PACRG: variants seen among roughly 807,000 people sequenced by gnomAD.
The protein encoded by PACRG is parkin coregulated gene protein.
PACRG carries 29 observed loss-of-function variants against 29.7 expected under a neutral mutation model. The ratio of observed to expected loss-of-function variants is 0.98; its 90% confidence interval spans 0.73 to 1.33. PACRG has a LOEUF of 1.33. PACRG is among the 40% of genes most tolerant of loss of function. The probability of loss-of-function intolerance (pLI) is 0.00; values close to 1 mark genes in which losing one functional copy is unlikely to be tolerated. For synonymous variants in PACRG, 116 were observed against 118.7 expected (o/e 0.98, Z 0.15); for missense variants, 279 against 316.2 (o/e 0.88, Z 0.89).
intron 2 of PACRG, among the ~76,000 whole-genome samples, chr6:163,048,567 G>A (rs1390191840): frequency 1.3e-5 from 2 of 152,074 alleles, no homozygotes; most frequent in East Asian, 1.9e-4. Context: ...TGTGGTTTTC[G>A]TATTAAGGTT....
chr6:163,178,333 T>C (rs551174448), intron 4 of PACRG, among the ~76,000 whole-genome samples: 1 of 152,314 alleles, frequency 6.6e-6, no homozygotes, highest in East Asian at 1.9e-4. Context: ...GCTGATCTTA[T>C]GGTCAGAGGG....
chr6:162,994,485 A>G (rs1803771131), intron 2 of PACRG, among the ~76,000 whole-genome samples: 2 of 150,642 alleles, frequency 1.3e-5, no homozygotes, highest in South Asian at 2.1e-4. Context: ...GCTTCATTTC[A>G]TTCATTTCAT....
intron 2 of PACRG, among the ~76,000 whole-genome samples, chr6:163,017,552 G>A (rs765393234): frequency 3.3e-5 from 5 of 152,124 alleles, no homozygotes; most frequent in Non-Finnish European, 7.4e-5. Flanking sequence ...CTTGTCTCTT[G>A]TAAGGCATAC....
At chr6:163,216,736 G>A (rs1781378847) in intron 4 of PACRG, among the ~76,000 whole-genome samples, 1 of 152,134 alleles carries the variant, frequency 6.6e-6, no homozygotes, top group Admixed American at 6.5e-5. Context: ...GTGAGATGCT[G>A]TCGTATTTGG....
chr6:162,766,955 C>T (rs111271460), intron 1 of PACRG, among the ~76,000 whole-genome samples: 19 of 151,820 alleles, frequency 1.3e-4, no homozygotes, highest in South Asian at 4.2e-4. Context: ...TTTGCATTTT[C>T]GTTTATTCTT....
chr6:163,296,294 A>G (rs1337521633), intron 4 of PACRG, among the ~76,000 whole-genome samples: 1 of 151,964 alleles, frequency 6.6e-6, no homozygotes, highest in Non-Finnish European at 1.5e-5. Context: ...CTTCACCTTC[A>G]GGCATTTTTT....
At chr6:162,760,320 C>T (rs1211371258) in intron 1 of PACRG, among the ~76,000 whole-genome samples, 1 of 152,218 alleles carries the variant, frequency 6.6e-6, no homozygotes, top group Non-Finnish European at 1.5e-5. Context: ...CATCACATCA[C>T]ATGTGGACTA....
intron 2 of PACRG, among the ~76,000 whole-genome samples, chr6:162,877,550 G>A (rs892810178): frequency 6.6e-6 from 1 of 150,568 alleles, no homozygotes; most frequent in Non-Finnish European, 1.5e-5. Flanking sequence ...AAACCTGCAC[G>A]TTCTGCACAT....
At chr6:163,303,877 A>G (rs1052549908) in intron 4 of PACRG, among the ~76,000 whole-genome samples, 3 of 151,792 alleles carry the variant, frequency 2.0e-5, no homozygotes, top group Admixed American at 1.3e-4. Flanking sequence ...TTAGCCAGGC[A>G]TGGTGGCGGG....
At chr6:163,269,893 A>G (rs200755620) in intron 4 of PACRG, among the ~76,000 whole-genome samples, 383 of 19,688 alleles carry the variant, frequency 0.019, 30 homozygotes, top group Middle Eastern at 0.094. Flanking sequence ...AAGAAAGAAA[A>G]CAAAGAAAGA....
At chr6:163,025,397 G>A (rs59088461) in intron 2 of PACRG, among the ~76,000 whole-genome samples, 25,225 of 152,138 alleles carry the variant, frequency 0.17, 2,352 homozygotes, top group East Asian at 0.26. Flanking sequence ...GTTTCAGGAT[G>A]CAAACCCAAT....
intron 1 of PACRG, among the ~76,000 whole-genome samples, chr6:162,765,542 A>G (rs1270539391): frequency 6.6e-6 from 1 of 152,194 alleles, no homozygotes; most frequent in Admixed American, 6.5e-5. Flanking sequence ...AGGGAGAGTC[A>G]GAGCTTTCTT....
At chr6:163,292,046 T>TTTA (rs1275711673) in intron 4 of PACRG, among the ~76,000 whole-genome samples, 1 of 151,636 alleles carries the variant, frequency 6.6e-6, no homozygotes, top group Non-Finnish European at 1.5e-5. Flanking sequence ...CTAACGAAGG[T>TTTA]TTAAGTAGGC....
chr6:162,815,918 A>C (rs1787295697), intron 2 of PACRG, among the ~76,000 whole-genome samples: 1 of 152,104 alleles, frequency 6.6e-6, no homozygotes, highest in Admixed American at 6.5e-5. Flanking sequence ...TGTTTTAGGT[A>C]ATTATAACCT....
At chr6:162,900,738 T>C (rs1190508892) in intron 2 of PACRG, among the ~76,000 whole-genome samples, 1 of 152,188 alleles carries the variant, frequency 6.6e-6, no homozygotes, top group African/African-American at 2.4e-5. Context: ...CGGGACTTGC[T>C]GTTTGCTTTT....
intron 1 of PACRG, among the ~76,000 whole-genome samples, chr6:162,743,686 G>T (rs1234591423): frequency 6.6e-6 from 1 of 151,452 alleles, no homozygotes; most frequent in Non-Finnish European, 1.5e-5. Flanking sequence ...TTTATTTAAT[G>T]CCTCTTTTTA....
At chr6:162,930,670 T>C (rs990186239) in intron 2 of PACRG, among the ~76,000 whole-genome samples, 1 of 152,002 alleles carries the variant, frequency 6.6e-6, no homozygotes, top group African/African-American at 2.4e-5. Flanking sequence ...TCTTGTTCCA[T>C]ATCGTAGAGG....
At chr6:163,131,524 C>T (rs1012991400) in intron 4 of PACRG, among the ~76,000 whole-genome samples, 1 of 152,074 alleles carries the variant, frequency 6.6e-6, no homozygotes, top group Non-Finnish European at 1.5e-5. Context: ...TCTCTTAAAG[C>T]CGTCAGAAAG....
intron 2 of PACRG, among the ~76,000 whole-genome samples, chr6:162,817,752 G>A (rs1481659722): frequency 6.6e-6 from 1 of 152,104 alleles, no homozygotes; most frequent in Non-Finnish European, 1.5e-5. Flanking sequence ...AAAAATAAAT[G>A]CCTGAATCTG....
Sources: allele counts gnomAD v4.1 joint callset (sites outside exome capture counted in the v4.1 genomes callset), GRCh38; gene constraint gnomAD v4.1.1; transcripts MANE v1.5; gene names NCBI Gene and HGNC (gene_info 2026-07-23, HGNC 2026-07-21).